SLC6A5: variants seen among roughly 807,000 people sequenced by gnomAD.
The protein encoded by SLC6A5 is sodium- and chloride-dependent glycine transporter 2.
In SLC6A5, 58 loss-of-function variants were observed where a neutral mutation model predicts 90.5. The ratio of observed to expected loss-of-function variants is 0.64; its 90% CI spans 0.52 to 0.80. The LOEUF (loss-of-function observed/expected upper bound fraction) is 0.80, where lower values mean the gene tolerates loss of function less well. SLC6A5 is among the 30% of genes least tolerant of loss of function. The pLI is 0.00. For synonymous variants in SLC6A5, 427 were observed against 401.4 expected (o/e 1.06, Z -0.76); for missense variants, 1,015 against 1,017.6 (o/e 1.00, Z 0.03).
rs1302793899 is a variant in SLC6A5 at position 20,656,955 on chromosome 11, T to C, written c.*2087T>C. The stretch of plus-strand genomic sequence containing the variant: ...ACCAAAAATGAGCCTCTCCAGCTGA[T>C]ACCTGGTAGAGTGAGAGGAGCCAGG... On this transcript the variant is annotated 3_prime_UTR_variant, in exon 16 of 16. Transcript: ENST00000525748. 1.3e-5 allele frequency: 2 copies of C among 152,214 alleles called. No individual in the cohort carries two copies. Among genetic ancestry groups the C allele is most frequent in the African/African-American group, 4.8e-5 (2 of 41,458 alleles). The allele number at this position is 152,214 out of a possible 1,614,324, so 9.4% of individuals were successfully genotyped here.
At chr11:20,615,705 T>G (rs1187973186) in intron 6 of SLC6A5, among the ~76,000 whole-genome samples, 3 of 152,046 alleles carry the variant, frequency 2.0e-5, no homozygotes, top group African/African-American at 2.4e-5. Flanking sequence ...GTAGACAGAG[T>G]TCATCATAGG....
intron 5 of SLC6A5, among the ~76,000 whole-genome samples, chr11:20,609,729 G>T (rs1380339175): frequency 6.6e-6 from 1 of 152,142 alleles, no homozygotes; most frequent in Admixed American, 6.5e-5. Flanking sequence ...TGTGACCTTC[G>T]TGTGCAGCTT....
In SLC6A5 at chr11:20,607,517, G is replaced by C. The variant is rs887898848; in HGVS notation, c.850G>C (p.Ala284Pro). The C allele has an allele frequency of 6.2e-7, 1 of 1,614,130 alleles. No homozygotes were observed. Among genetic ancestry groups the C allele is most frequent in the Non-Finnish European group, 8.5e-7 (1 of 1,180,018 alleles). Residue 284 changes from alanine to proline, a missense_variant, in exon 5 of 16, where the codon GCC (alanine) becomes CCC (proline). By Grantham distance (27) the Ala-to-Pro change is conservative. Transcript: ENST00000525748. Reference sequence around the variant, plus strand: ...GATGCTGATCATCTCTGTCCTAATAGCCATATACTACAATGTGATTATTTG... The same window carrying C: ...GATGCTGATCATCTCTGTCCTAATACCCATATACTACAATGTGATTATTTG... ...IAMLIISVLI[A>P]IYYNVIICYT...
chr11:20,637,648 G>T (rs1853235227), intron 12 of SLC6A5, among the ~76,000 whole-genome samples: 1 of 152,194 alleles, frequency 6.6e-6, no homozygotes, highest in African/African-American at 2.4e-5. Context: ...GGAGTTCAAG[G>T]TTGCAGTGTG....
chr11:20,637,054 C>A, intron 11 of SLC6A5, 118 bp from the exon 12 acceptor site: 1 of 1,103,266 alleles, frequency 9.1e-7, no homozygotes, highest in Non-Finnish European at 1.4e-6. Flanking sequence ...GGAATGCCAT[C>A]CTAAAAACCA....
At chr11:20,635,936 AGTACTACTGCTG>A (rs1853196580) in intron 10 of SLC6A5, among the ~76,000 whole-genome samples, 2 of 152,204 alleles carry the variant, frequency 1.3e-5, no homozygotes, top group Admixed American at 6.5e-5. Context: ...CTGCTGGTTG[AGTACTACTGCTG>A]TAAAGGCTAA....
chr11:20,628,125 G>A lies in SLC6A5; in HGVS notation c.1499+42G>A. The A allele has an allele frequency of 2.8e-6, 4 of 1,450,640 alleles. No individual in the cohort carries two copies. In the South Asian group the frequency reaches 3.4e-5, roughly 12 times the overall value. 89.9% of individuals were successfully genotyped at this position (1,450,640 alleles called of 1,614,324 possible). ...CAAGATCTGGGCATAGCTGGTGAGT[G>A]GGACAGAAGAATGGACTGAGTTATC... On this transcript the variant is annotated intron_variant, in intron 9 of 15. Coordinates refer to ENST00000525748, the MANE Select transcript of SLC6A5 (RefSeq NM_004211.5).
chr11:20,637,335 GGGGGCAGGAGGGT>G, intron 12 of SLC6A5, 32 bp downstream of exon 12: 1 of 1,596,654 alleles, frequency 6.3e-7, no homozygotes, highest in Non-Finnish European at 8.6e-7. Context: ...GGCTTGGGGT[GGGGGCAGGAGGGT>G]GGGGGGCCAA....
intron 6 of SLC6A5, among the ~76,000 whole-genome samples, chr11:20,615,773 A>T (rs1852773952): frequency 1.3e-5 from 2 of 151,200 alleles, no homozygotes; most frequent in Admixed American, 1.3e-4. Context: ...ATTCAAATGT[A>T]CTCGGGCATG....
chr11:20,602,916 C>A (rs1450784359), intron 2 of SLC6A5, among the ~76,000 whole-genome samples: 1 of 152,228 alleles, frequency 6.6e-6, no homozygotes, highest in Non-Finnish European at 1.5e-5. Flanking sequence ...CTTGCTTAAC[C>A]TCCGCACTGC....
intron 15 of SLC6A5, 36 bp from the exon 16 acceptor site, chr11:20,654,677 C>A: frequency 6.2e-7 from 1 of 1,613,112 alleles, no homozygotes; most frequent in Non-Finnish European, 8.5e-7. Context: ...AGGTGCACTA[C>A]TTCTGTGACC....
intron 3 of SLC6A5, among the ~76,000 whole-genome samples, chr11:20,605,843 G>C (rs1290970164): frequency 6.6e-6 from 1 of 152,236 alleles, no homozygotes; most frequent in Non-Finnish European, 1.5e-5. Context: ...GAGCAGAGGA[G>C]GACTGCACAA....
At position 20,654,789 on chromosome 11, in the gene SLC6A5, A is replaced by T. The variant is rs746395612; in HGVS notation, c.2315A>T (p.Asn772Ile). The T allele has an allele frequency of 1.9e-6, 3 of 1,614,164 alleles. No individual in the cohort carries two copies. Among genetic ancestry groups the T allele is most frequent in the Non-Finnish European group, 2.5e-6 (3 of 1,180,022 alleles). The change falls in exon 16 of 16, where the codon AAC becomes ATC. Residue 772 changes from asparagine (N) to isoleucine (I), a missense_variant. Asn to Ile is a moderately radical substitution (Grantham distance 149). Transcript: ENST00000525748. ...LAQHRGERYK[N>I]MIDPLGTSSL... ...CAACACCGCGGGGAGCGTTACAAGAACATGATCGACCCCTTGGGAACCTCT... is the reference window on the plus strand; with the variant it reads ...CAACACCGCGGGGAGCGTTACAAGATCATGATCGACCCCTTGGGAACCTCT...
Position 20,600,333 on chromosome 11 carries a change from GAGGAAGAAGAAGAA to G in SLC6A5, c.3+659_3+672del, listed in dbSNP as rs1852435215. On this transcript the variant is annotated intron_variant, in intron 1 of 15. Coordinates refer to ENST00000525748, the MANE Select transcript of SLC6A5 (RefSeq NM_004211.5). The stretch of plus-strand genomic sequence containing the variant: ...TGAATAGTTACGCAAAAAAGAAGAA[GAGGAAGAAGAAGAA>G]GAAGAAGAAGAAGAAGAAGAAGAAG... 4.0e-5 allele frequency among the ~76,000 whole-genome samples: 4 copies of G among 100,290 alleles called. No individual in the cohort carries two copies. In the Admixed American group the frequency reaches 5.2e-4, roughly 13 times the overall value. 65.8% of individuals were successfully genotyped at this position (100,290 alleles called of 152,430 possible).
intron 5 of SLC6A5, among the ~76,000 whole-genome samples, chr11:20,608,788 C>T (rs1361308820): frequency 6.6e-6 from 1 of 152,156 alleles, no homozygotes; most frequent in African/African-American, 2.4e-5. Flanking sequence ...AACTAGGACA[C>T]TATTTAACCC....
At chr11:20,608,948 CTCTCTCTCTCTGTG>C (rs1407287515) in intron 5 of SLC6A5, among the ~76,000 whole-genome samples, 21 of 74,410 alleles carry the variant, frequency 2.8e-4, no homozygotes, top group African/African-American at 1.0e-3. Context: ...CTCTCTCTCT[CTCTCTCTCTCTGTG>C]TGTGTGTGTG....
chr11:20,633,377 C>T (rs1358813636), intron 10 of SLC6A5, among the ~76,000 whole-genome samples: 1 of 152,224 alleles, frequency 6.6e-6, no homozygotes, highest in African/African-American at 2.4e-5. Flanking sequence ...ACTGATGTCC[C>T]ACTTCCATGC....
chr11:20,636,241 T>C lies in SLC6A5; in HGVS notation c.1625-66T>C, dbSNP rs974171219. ...GAGGATCTCAGCAGAGAGAAGGCCC[T>C]CTGGGCTCTGGGAAGAGCAGCCTTG... On this transcript the variant is annotated intron_variant, in intron 10 of 15. Coordinates refer to ENST00000525748, the MANE Select transcript of SLC6A5 (RefSeq NM_004211.5). 4 of 956,858 alleles carry C rather than the reference T, an allele frequency of 4.2e-6. No individual in the cohort carries two copies. In the African/African-American group the frequency reaches 6.4e-5, roughly 15 times the overall value. The allele number at this position is 956,858 out of a possible 1,614,324, so 59.3% of individuals were successfully genotyped here. A position where few individuals can be genotyped will look rare whatever the true frequency, so the allele number is the denominator to read the frequency against.
chr11:20,604,367 G>A lies in SLC6A5; in HGVS notation c.622G>A (p.Ala208Thr). The change falls in exon 3 of 16, where the codon GCA becomes ACA. Residue 208 changes from alanine to threonine, a missense_variant. By Grantham distance (58) the Ala-to-Thr change is moderately conservative (BLOSUM62 0). This residue lies in a region of SLC6A5 where 567 missense variants were observed against 507.3 expected (regional missense o/e 1.12). Transcript: ENST00000525748. ...CTTCATCCTGTCCATGGTGGGGTAC[G>A]CAGTGGGGCTGGGCAATGTCTGGAG... The part of the protein sequence containing the change: ...LDFILSMVGY[A>T]VGLGNVWRFP... The A allele has an allele frequency of 6.2e-7, 1 of 1,614,142 alleles. No individual in the cohort carries two copies. The highest frequency in any genetic ancestry group is 8.5e-7 in the Non-Finnish European group (1 of 1,179,996).
Sources: gnomAD v4.1 joint callset for allele counts (sites outside exome capture counted in the v4.1 genomes callset) on GRCh38, gnomAD v4.1.1 for gene constraint, gnomAD v4.1.1 regional missense constraint, MANE v1.5 for transcripts, NCBI Gene and HGNC (gene_info 2026-07-23, HGNC 2026-07-21) for gene names.